TRPM3: variants seen among roughly 807,000 people sequenced by gnomAD.
TRPM3 encodes the protein transient receptor potential cation channel subfamily M member 3.
TRPM3 carries 77 observed loss-of-function variants against 181.2 expected under a neutral mutation model. That is an observed-to-expected ratio of 0.42 (90% confidence interval 0.35 to 0.51). The LOEUF is 0.51. Ranked by LOEUF, TRPM3 falls within the 20% of genes least tolerant of loss-of-function variation. The probability of loss-of-function intolerance (pLI) is 0.01; values close to 1 mark genes in which losing one functional copy is unlikely to be tolerated. For missense variants in TRPM3, 1,759 were observed against 2,196.7 expected (o/e 0.80, Z 3.98); for synonymous variants, 745 against 796.4 (o/e 0.94, Z 1.09).
At chr9:71,051,484 C>A (rs2060050407) in intron 1 of TRPM3, among the ~76,000 whole-genome samples, 2 of 152,140 alleles carry the variant, frequency 1.3e-5, no homozygotes, top group African/African-American at 4.8e-5. Context: ...GGAGCTGACA[C>A]ATGAGCATGT....
intron 9 of TRPM3, among the ~76,000 whole-genome samples, chr9:70,642,979 C>A (rs1046193554): frequency 1.3e-5 from 2 of 152,148 alleles, no homozygotes; most frequent in Non-Finnish European, 2.9e-5. Flanking sequence ...CTGTTCCCTT[C>A]GTAGGTTGAA....
At chr9:70,974,733 A>C in intron 1 of TRPM3, among the ~76,000 whole-genome samples, 1 of 76,888 alleles carries the variant, frequency 1.3e-5, no homozygotes, top group African/African-American at 4.5e-5. Flanking sequence ...CATCTCAAAA[A>C]TAATAATAAT....
intron 1 of TRPM3, among the ~76,000 whole-genome samples, chr9:71,145,756 T>C (rs975766126): frequency 3.9e-5 from 6 of 152,000 alleles, no homozygotes; most frequent in Non-Finnish European, 7.4e-5. Context: ...CAGACTAAAG[T>C]TTTCCAAGTG....
chr9:71,081,552 T>G (rs376666877), intron 1 of TRPM3, among the ~76,000 whole-genome samples: 4 of 152,174 alleles, frequency 2.6e-5, no homozygotes, highest in African/African-American at 9.7e-5. Context: ...AGGAAAAGAT[T>G]TGCAAGATGC....
intron 16 of TRPM3, 70 bp from the exon 17 acceptor site, chr9:70,619,165 C>G: frequency 7.5e-7 from 1 of 1,332,138 alleles, no homozygotes; most frequent in Non-Finnish European, 1.0e-6. Context: ...AGTGGACCTG[C>G]TGGCCAACCA....
At chr9:71,334,391 G>A (rs1427365304) in intron 1 of TRPM3, among the ~76,000 whole-genome samples, 1 of 151,684 alleles carries the variant, frequency 6.6e-6, no homozygotes, top group South Asian at 2.1e-4. Flanking sequence ...AAACCGCTAG[G>A]AAAAAGAGAC....
At chr9:70,812,556 G>A (rs551542921) in intron 6 of TRPM3, among the ~76,000 whole-genome samples, 143 of 152,168 alleles carry the variant, frequency 9.4e-4, no homozygotes, top group African/African-American at 3.3e-3. Context: ...ACATAAATTC[G>A]GCTTTTAAGC....
chr9:70,621,375 T>C, intron 14 of TRPM3, 102 bp from the exon 15 acceptor site: 1 of 851,240 alleles, frequency 1.2e-6, no homozygotes, highest in Non-Finnish European at 1.7e-6. Flanking sequence ...TTTTGTTTTG[T>C]TTTTATTGAG....
intron 12 of TRPM3, 133 bp downstream of exon 12, chr9:70,635,078 C>CACAT: frequency 1.5e-6 from 1 of 687,560 alleles, no homozygotes; most frequent in Non-Finnish European, 2.5e-6. Flanking sequence ...CACACACACA[C>CACAT]ACACTGTTCT....
At chr9:71,395,103 C>G (rs1257809074) in intron 1 of TRPM3, among the ~76,000 whole-genome samples, 3 of 152,188 alleles carry the variant, frequency 2.0e-5, no homozygotes, top group Non-Finnish European at 4.4e-5. Context: ...TACCAAAATG[C>G]CAATAGCACC....
intron 1 of TRPM3, among the ~76,000 whole-genome samples, chr9:71,405,302 A>T (rs540954152): frequency 6.1e-4 from 93 of 152,254 alleles, no homozygotes; most frequent in African/African-American, 2.2e-3. Flanking sequence ...AAATGCACAA[A>T]TTTTTTTTAA....
intron 1 of TRPM3, among the ~76,000 whole-genome samples, chr9:71,148,906 C>G (rs1927941): frequency 0.63 from 96,466 of 152,024 alleles, 32,897 homozygotes; most frequent in East Asian, 0.8. Context: ...AGTATCAAAA[C>G]TTAAATGAGG....
chr9:70,618,656 C>T (rs893065880), intron 17 of TRPM3, among the ~76,000 whole-genome samples: 7 of 152,222 alleles, frequency 4.6e-5, no homozygotes, highest in Non-Finnish European at 8.8e-5. Context: ...CATAGAGATG[C>T]TAATGCAGCA....
At chr9:71,311,195 CA>C (rs1328481077) in intron 1 of TRPM3, among the ~76,000 whole-genome samples, 1 of 152,018 alleles carries the variant, frequency 6.6e-6, no homozygotes, top group East Asian at 1.9e-4. Context: ...AAATTGTGCA[CA>C]AAGTGAAAAC....
intron 1 of TRPM3, among the ~76,000 whole-genome samples, chr9:71,436,870 A>T (rs1433092753): frequency 6.6e-6 from 1 of 152,226 alleles, no homozygotes; most frequent in African/African-American, 2.4e-5. Flanking sequence ...GTAATTTCTT[A>T]TGGCAGCATT....
At chr9:71,251,844 C>T (rs1422541219) in intron 1 of TRPM3, among the ~76,000 whole-genome samples, 3 of 152,024 alleles carry the variant, frequency 2.0e-5, no homozygotes, top group South Asian at 2.1e-4. Context: ...TCTTCTCCTG[C>T]CCCCACCCTC....
intron 1 of TRPM3, among the ~76,000 whole-genome samples, chr9:70,876,859 T>TA (rs1297893664): frequency 6.6e-6 from 1 of 152,014 alleles, no homozygotes; most frequent in Non-Finnish European, 1.5e-5. Context: ...AGAGCAGTTT[T>TA]AGGTTTACAA....
At chr9:71,395,905 G>T (rs1425003433) in intron 1 of TRPM3, among the ~76,000 whole-genome samples, 1 of 152,090 alleles carries the variant, frequency 6.6e-6, no homozygotes, top group Non-Finnish European at 1.5e-5. Context: ...GTTTCTACTG[G>T]GTATGAATTT....
Position 70,769,751 on chromosome 9 carries a change from ATTTG to A in TRPM3, c.1149-8031_1149-8028del, listed in dbSNP as rs1236155082. ...ATGATTATTTTATTGCATGGAAATT[ATTTG>A]TTTGTCTTACTCTAGTAGATGATGA... is the stretch of plus-strand genomic sequence containing the variant. On this transcript the variant is annotated intron_variant, in intron 7 of 25. Coordinates refer to ENST00000677713, the MANE Select transcript of TRPM3 (RefSeq NM_001366145.2). Among the ~76,000 whole-genome samples the A allele has an allele frequency of 3.4e-5, 5 of 147,642 alleles. 1 individual carries two copies. The highest frequency in any genetic ancestry group is 4.3e-4 in the South Asian group (2 of 4,658).
Sources: allele counts gnomAD v4.1 joint callset (sites outside exome capture counted in the v4.1 genomes callset), GRCh38; gene constraint gnomAD v4.1.1; transcripts MANE v1.5; gene names NCBI Gene and HGNC (gene_info 2026-07-23, HGNC 2026-07-21).